Variants in INPP5A observed in about 807,000 individuals in gnomAD.
INPP5A encodes the protein 43 kDa inositol polyphosphate 5-phophatase.
A neutral mutation model predicts 65.2 loss-of-function variants in INPP5A; 14 were observed. The observed-to-expected ratio is 0.21, with a 90% CI of 0.14 to 0.34. The LOEUF is 0.34. Among genes scored for constraint, INPP5A ranks in the 10% least tolerant of loss-of-function variants. The pLI is 1.00. For synonymous variants in INPP5A, 207 were observed against 208.3 expected (o/e 0.99, Z 0.05); for missense variants, 431 against 545.6 (o/e 0.79, Z 2.09).
intron 2 of INPP5A, among the ~76,000 whole-genome samples, chr10:132,632,597 C>T (rs1327875678): frequency 6.6e-6 from 1 of 152,234 alleles, no homozygotes; most frequent in Non-Finnish European, 1.5e-5. Context: ...CCCACACTTC[C>T]ACCCACCACC....
chr10:132,704,064 G>C lies in INPP5A; in HGVS notation c.475-4249G>C. Reference sequence around the variant, plus strand: ...ACACACACGCAGCTTCACCCGCATGGGTTCTGAAGGCTTGGCCTGATCTCT... The same window carrying C: ...ACACACACGCAGCTTCACCCGCATGCGTTCTGAAGGCTTGGCCTGATCTCT... On this transcript the variant is annotated intron_variant, in intron 6 of 15. Coordinates refer to ENST00000368594, the MANE Select transcript of INPP5A (RefSeq NM_005539.5). The surrounding 1 kb of genome is among the most constrained non-coding windows in gnomAD (Gnocchi z 4.5). Among the ~76,000 whole-genome samples the C allele has an allele frequency of 6.6e-6, 1 of 151,272 alleles. No homozygotes were observed. The highest frequency in any genetic ancestry group is 6.6e-5 in the Admixed American group (1 of 15,192).
chr10:132,596,730 C>T (rs956464653), intron 1 of INPP5A, among the ~76,000 whole-genome samples: 1 of 152,176 alleles, frequency 6.6e-6, no homozygotes, highest in African/African-American at 2.4e-5. Flanking sequence ...ACGCCCGGCC[C>T]ATGTGTGTGT....
rs995032253 is a variant in INPP5A, at chr10:132,538,015, G to A, written c.-82G>A. ...GGCGCAGCTGACGCCCCGCGGCCCCGCGAAGACCCCGGCCGGCCGGTCCCG... is the reference window on the plus strand; with the variant it reads ...GGCGCAGCTGACGCCCCGCGGCCCCACGAAGACCCCGGCCGGCCGGTCCCG... On this transcript the variant is annotated 5_prime_UTR_variant, in exon 1 of 16. Coordinates refer to ENST00000368594, the MANE Select transcript of INPP5A (RefSeq NM_005539.5). The surrounding 1 kb of genome is among the most constrained non-coding windows in gnomAD (Gnocchi z 4.1). 1.0e-5 allele frequency: 7 copies of A among 668,336 alleles called. No individual in the cohort carries two copies. The highest frequency in any genetic ancestry group is 6.3e-5 in the South Asian group (1 of 15,872). 41.4% of individuals were successfully genotyped at this position (668,336 alleles called of 1,614,324 possible).
Position 132,782,267 on chromosome 10 carries a change from TTA to T in INPP5A, c.*239_*240del. ...AAATATTGGTTTTTTTTTTTTTTTTTTAAATAAGTCACAGTCCTGTTGTCAAA... is the reference window on the plus strand; with the variant it reads ...AAATATTGGTTTTTTTTTTTTTTTTTAATAAGTCACAGTCCTGTTGTCAAA... On this transcript the variant is annotated 3_prime_UTR_variant, in exon 16 of 16. Transcript: ENST00000368594. The surrounding 1 kb of genome is among the most constrained non-coding windows in gnomAD (Gnocchi z 4.4). 2.2e-5 allele frequency: 9 copies of T among 415,388 alleles called. No individual in the cohort carries two copies. Among genetic ancestry groups the T allele is most frequent in the Non-Finnish European group, 3.5e-5 (8 of 225,402 alleles). 25.7% of individuals were successfully genotyped at this position (415,388 alleles called of 1,614,324 possible).
intron 1 of INPP5A, among the ~76,000 whole-genome samples, chr10:132,556,037 C>T (rs1022711558): frequency 6.6e-6 from 1 of 152,030 alleles, no homozygotes; most frequent in African/African-American, 2.4e-5. Flanking sequence ...CGGGGGGCTG[C>T]CCGGCCCCTG....
chr10:132,743,137 CAG>C (rs1215618840), intron 9 of INPP5A, among the ~76,000 whole-genome samples: 4 of 152,148 alleles, frequency 2.6e-5, no homozygotes, highest in Admixed American at 2.6e-4. Context: ...GGCCACCCAC[CAG>C]TGCTGCACTC....
Position 132,778,246 on chromosome 10 carries a change from T to C in INPP5A, c.1089+464T>C, listed in dbSNP as rs571665397. Among the ~76,000 whole-genome samples, 142 of 151,306 alleles carry C rather than the reference T, an allele frequency of 9.4e-4. 1 individual carries two copies. The highest frequency in any genetic ancestry group is 6.9e-3 in the Middle Eastern group (2 of 290). On this transcript the variant is annotated intron_variant, in intron 13 of 15. Transcript: ENST00000368594. ...AAAATAAATAGGCGACATTTTCAGATGGCCTGGGCCTTGGGAAATTTTCAG... is the reference window on the plus strand; with the variant it reads ...AAAATAAATAGGCGACATTTTCAGACGGCCTGGGCCTTGGGAAATTTTCAG...
At chr10:132,718,822 T>C (rs937913410) in intron 8 of INPP5A, among the ~76,000 whole-genome samples, 1 of 148,574 alleles carries the variant, frequency 6.7e-6, no homozygotes, top group Admixed American at 6.7e-5. Flanking sequence ...GTCTTGCGGG[T>C]TCTGTGGTAC....
rs1846270324 is a variant in INPP5A, at chr10:132,741,565, T to G, written c.733-7952T>G. Among the ~76,000 whole-genome samples the G allele has an allele frequency of 6.6e-6, 1 of 152,212 alleles. No individual in the cohort carries two copies. The highest frequency in any genetic ancestry group is 2.4e-5 in the African/African-American group (1 of 41,450). ...GGCCCTCGTCACACCCAGAAGAGGA[T>G]GCCCCAGAATGAAGGTGGAGGCTGC... On this transcript the variant is annotated intron_variant, in intron 9 of 15. Coordinates refer to ENST00000368594, the MANE Select transcript of INPP5A (RefSeq NM_005539.5). This position sits in a 1 kb window ranked among gnomAD's most constrained non-coding sequence, Gnocchi z 4.4.
At chr10:132,668,039 G>T (rs2072830429) in intron 4 of INPP5A, among the ~76,000 whole-genome samples, 2 of 152,074 alleles carry the variant, frequency 1.3e-5, no homozygotes, top group Non-Finnish European at 2.9e-5. Flanking sequence ...TCTTTCAAGT[G>T]TAACTTTTAC....
rs572600132 is a variant in INPP5A, at chr10:132,736,466, T to C, written c.732+9561T>C. ...AGCTGGGCCTGCAGGGGAATGGCCG[T>C]TGGGGGCGTTGACATCCAGAAGGAG... On this transcript the variant is annotated intron_variant, in intron 9 of 15. Coordinates refer to ENST00000368594, the MANE Select transcript of INPP5A (RefSeq NM_005539.5). Among the ~76,000 whole-genome samples, 119 of 152,336 alleles carry C rather than the reference T, an allele frequency of 7.8e-4. 1 individual carries two copies. The East Asian group carries it at 0.015, about 19-fold the overall frequency.
intron 11 of INPP5A, among the ~76,000 whole-genome samples, chr10:132,763,877 A>G (rs1359344017): frequency 1.3e-5 from 2 of 152,296 alleles, no homozygotes; most frequent in African/African-American, 2.4e-5. Context: ...GCCTGCATGC[A>G]AACACATGCC....
chr10:132,720,251 G>A (rs1394633892), intron 8 of INPP5A, among the ~76,000 whole-genome samples: 16 of 150,918 alleles, frequency 1.1e-4, no homozygotes, highest in Non-Finnish European at 1.8e-4. Flanking sequence ...GCTGTCTTGC[G>A]GGTTCTGTGG....
rs371471201 is a variant in INPP5A at position 132,745,732 on chromosome 10, G to T, written c.733-3785G>T. On this transcript the variant is annotated intron_variant, in intron 9 of 15. Coordinates refer to ENST00000368594, the MANE Select transcript of INPP5A (RefSeq NM_005539.5). ...GGCCCAGGCGTGGTGGGCTTCGGGC[G>T]TGGTGGGCCTCAGCTGTGGTGGCCT... 3.4e-5 allele frequency among the ~76,000 whole-genome samples: 5 copies of T among 148,944 alleles called. No homozygotes were observed. The East Asian group carries it at 8.0e-4, about 24-fold the overall frequency.
rs1846542060 is a variant in INPP5A, at chr10:132,753,893, AGAAGAAT to A, written c.903+4050_903+4056del. On this transcript the variant is annotated intron_variant, in intron 11 of 15. Coordinates refer to ENST00000368594, the MANE Select transcript of INPP5A (RefSeq NM_005539.5). This position sits in a 1 kb window ranked among gnomAD's most constrained non-coding sequence, Gnocchi z 5.3. ...CCTGCCTGCCTTCACTTTGTAATCA[AGAAGAAT>A]GTGGGAGACCATGCGAAATTGGTGA... 6.6e-6 allele frequency: 1 copy of A among 152,240 alleles called. No homozygotes were observed. The highest frequency in any genetic ancestry group is 2.4e-5 in the African/African-American group (1 of 41,460). The allele number at this position is 152,240 out of a possible 1,614,324, so 9.4% of individuals were successfully genotyped here.
intron 11 of INPP5A, among the ~76,000 whole-genome samples, chr10:132,757,402 G>C (rs989083759): frequency 6.6e-6 from 1 of 152,240 alleles, no homozygotes; most frequent in African/African-American, 2.4e-5. Context: ...TCTACGTTTA[G>C]GTATGTTCAG....
chr10:132,779,466 A>G (rs1351575096), intron 13 of INPP5A, among the ~76,000 whole-genome samples: 5 of 152,272 alleles, frequency 3.3e-5, no homozygotes, highest in Admixed American at 3.3e-4. Context: ...GAAGGCTGGC[A>G]GGGCTGTGGC....
chr10:132,544,960 T>G (rs1590817640), intron 1 of INPP5A, among the ~76,000 whole-genome samples: 1 of 152,280 alleles, frequency 6.6e-6, no homozygotes, highest in East Asian at 1.9e-4. Flanking sequence ...GTTTGAAATA[T>G]TAACGATTCC....
intron 2 of INPP5A, among the ~76,000 whole-genome samples, chr10:132,634,216 C>T (rs1007018395): frequency 1.3e-5 from 2 of 151,570 alleles, no homozygotes; most frequent in African/African-American, 4.9e-5. Flanking sequence ...GTTAGGAGTG[C>T]CATCTCCCTT....
Sources: allele counts gnomAD v4.1 joint callset (sites outside exome capture counted in the v4.1 genomes callset), GRCh38; gene constraint gnomAD v4.1.1; non-coding constraint Gnocchi (gnomAD v3.1); transcripts MANE v1.5; gene names NCBI Gene and HGNC (gene_info 2026-07-23, HGNC 2026-07-21).